FARP2: variants seen among roughly 807,000 people sequenced by gnomAD.
The protein encoded by FARP2 is FERM, ARHGEF and pleckstrin domain-containing protein 2.
FARP2 carries 111 observed loss-of-function variants against 130.5 expected under a neutral mutation model. The ratio of observed to expected loss-of-function variants is 0.85; its 90% CI spans 0.73 to 1.00. FARP2 has a LOEUF of 1.00. Ranked by LOEUF, FARP2 falls within the 50% of genes least tolerant of loss-of-function variation. The pLI, the probability that FARP2 is intolerant of heterozygous loss-of-function variation, is 0.00. For missense variants in FARP2, 1,385 were observed against 1,346.3 expected (o/e 1.03, Z -0.45); for synonymous variants, 504 against 516.9 (o/e 0.98, Z 0.34).
intron 12 of FARP2, among the ~76,000 whole-genome samples, chr2:241,440,400 A>T (rs1319693444): frequency 2.0e-5 from 3 of 152,046 alleles, no homozygotes; most frequent in South Asian, 2.1e-4. Context: ...CCATGAGGGG[A>T]GGATGTGTTA....
In FARP2 at chr2:241,412,065, C is replaced by G. The variant is rs141848229; in HGVS notation, c.508+935C>G. Among the ~76,000 whole-genome samples, 813 of 152,200 alleles carry G rather than the reference C, an allele frequency of 5.3e-3. 14 individuals carry two copies. The highest frequency in any genetic ancestry group is 0.018 in the African/African-American group (760 of 41,528). On this transcript the variant is annotated intron_variant, in intron 6 of 26. Coordinates refer to ENST00000264042, the MANE Select transcript of FARP2 (RefSeq NM_014808.4). ...CAGTTGGTAAAATATGACTAGGGTC[C>G]ACATCTGGGATGGAGCCTCAGATCG...
intron 2 of FARP2, among the ~76,000 whole-genome samples, chr2:241,379,699 T>C (rs1042576550): frequency 5.3e-5 from 8 of 152,196 alleles, no homozygotes; most frequent in Non-Finnish European, 1.2e-4. Flanking sequence ...CACACGAACA[T>C]CCTAAATATA....
intron 11 of FARP2, among the ~76,000 whole-genome samples, chr2:241,436,200 C>T (rs1265854346): frequency 2.0e-5 from 3 of 152,096 alleles, no homozygotes; most frequent in African/African-American, 2.4e-5. Flanking sequence ...TGAGCCACTG[C>T]GCCCGGCCTA....
intron 7 of FARP2, 80 bp from the exon 8 acceptor site, chr2:241,417,882 C>G: frequency 6.7e-7 from 1 of 1,485,838 alleles, no homozygotes; most frequent in Non-Finnish European, 9.3e-7. Flanking sequence ...GTTGGTTTTC[C>G]TGATCGCTTC....
intron 25 of FARP2, 45 bp downstream of exon 25, chr2:241,493,081 CAG>C (rs777742118): frequency 8.2e-7 from 1 of 1,217,006 alleles, no homozygotes; most frequent in Non-Finnish European, 1.2e-6. Context: ...TGCTAGCAGA[CAG>C]ACACTTAACC....
Position 241,465,560 on chromosome 2 carries a change from A to G in FARP2, c.1893+1580A>G, listed in dbSNP as rs541420065. The G allele has an allele frequency of 1.0e-4, 161 of 1,550,590 alleles. 1 individual carries two copies. The highest frequency in any genetic ancestry group is 9.6e-4 in the South Asian group (81 of 84,056). On this transcript the variant is annotated intron_variant, in intron 17 of 26. Coordinates refer to ENST00000264042, the MANE Select transcript of FARP2 (RefSeq NM_014808.4). ...CTGGGGGAAGTGAGATTTCTCTTCA[A>G]TAGGAGCAACGGTACAGGTGTTCAC...
At chr2:241,393,662 T>C (rs1035107038) in intron 2 of FARP2, among the ~76,000 whole-genome samples, 6 of 152,162 alleles carry the variant, frequency 3.9e-5, no homozygotes, top group African/African-American at 1.2e-4. Flanking sequence ...AATGAGCACA[T>C]GAAACAAGTT....
chr2:241,443,640 T>C (rs918734688), intron 13 of FARP2: 1 of 152,056 alleles, frequency 6.6e-6, no homozygotes, highest in East Asian at 1.9e-4. Flanking sequence ...TGGCACAGAG[T>C]GGGTAGGTCC....
At chr2:241,425,634 TAAAAAAAAAAAAAAAA>T (rs1167925220) in intron 8 of FARP2, among the ~76,000 whole-genome samples, 2 of 45,956 alleles carry the variant, frequency 4.4e-5, no homozygotes, top group East Asian at 6.9e-4. Context: ...TCCTACCAAG[TAAAAAAAAAAAAAAAA>T]AAAAAAAAAA....
intron 14 of FARP2, among the ~76,000 whole-genome samples, chr2:241,458,991 C>G (rs2063941700): frequency 6.6e-6 from 1 of 152,260 alleles, no homozygotes; most frequent in Admixed American, 6.5e-5. Context: ...GGCCCAGCCC[C>G]TGCGTGTGGG....
At chr2:241,479,998 C>T (rs1416573693) in intron 19 of FARP2, among the ~76,000 whole-genome samples, 2 of 152,234 alleles carry the variant, frequency 1.3e-5, no homozygotes, top group African/African-American at 4.8e-5. Flanking sequence ...CCCAACATGA[C>T]ATGGGAGCTG....
chr2:241,359,633 C>G (rs1055569729), intron 1 of FARP2, among the ~76,000 whole-genome samples: 9 of 152,244 alleles, frequency 5.9e-5, no homozygotes, highest in Non-Finnish European at 1.3e-4. Context: ...GTCAGGCTAG[C>G]CAGCGGTGCT....
chr2:241,363,614 T>C (rs2061239990), intron 1 of FARP2, among the ~76,000 whole-genome samples: 2 of 152,220 alleles, frequency 1.3e-5, no homozygotes, highest in Admixed American at 1.3e-4. Context: ...GGAACTCGGC[T>C]ATGGGATAGA....
chr2:241,385,405 C>A, intron 2 of FARP2, among the ~76,000 whole-genome samples: 1 of 152,024 alleles, frequency 6.6e-6, no homozygotes, highest in East Asian at 1.9e-4. Flanking sequence ...AAAATTTATA[C>A]ATCCAACAAA....
intron 13 of FARP2, among the ~76,000 whole-genome samples, chr2:241,451,345 G>A (rs2063652716): frequency 6.6e-6 from 1 of 152,200 alleles, no homozygotes; most frequent in Non-Finnish European, 1.5e-5. Context: ...GAAGCCCATT[G>A]GTGAACAGCC....
chr2:241,366,108 T>TATATATATATAC (rs1168692581), intron 1 of FARP2, among the ~76,000 whole-genome samples: 392 of 34,264 alleles, frequency 0.011, 19 homozygotes, highest in South Asian at 0.11. Context: ...AAAAAAAATA[T>TATATATATATAC]ATATATATAT....
At chr2:241,421,118 C>T (rs1292672641) in intron 8 of FARP2, among the ~76,000 whole-genome samples, 1 of 152,160 alleles carries the variant, frequency 6.6e-6, no homozygotes, top group African/African-American at 2.4e-5. Context: ...TGGTGAGTGA[C>T]TGTGCAACCT....
In FARP2 at chr2:241,458,355, G is replaced by A. The variant is rs73119641; in HGVS notation, c.1587+1433G>A. ...CACCTCAGCACTCCTGCTTTGGCCC[G>A]AATTGGCCAGAGGATATTCTGTCCA... On this transcript the variant is annotated intron_variant, in intron 14 of 26. Coordinates refer to ENST00000264042, the MANE Select transcript of FARP2 (RefSeq NM_014808.4). Among the ~76,000 whole-genome samples the A allele has an allele frequency of 9.1e-4, 139 of 152,274 alleles. 1 individual carries two copies. Among genetic ancestry groups the A allele is most frequent in the African/African-American group, 3.2e-3 (131 of 41,542 alleles).
chr2:241,435,496 A>G (rs2150403907), intron 11 of FARP2, among the ~76,000 whole-genome samples: 1 of 151,888 alleles, frequency 6.6e-6, no homozygotes, highest in African/African-American at 2.4e-5. Context: ...TGTTTTAAAG[A>G]AAGTGGATTT....
Sources: allele counts gnomAD v4.1 joint callset (sites outside exome capture counted in the v4.1 genomes callset), GRCh38; gene constraint gnomAD v4.1.1; transcripts MANE v1.5; gene names NCBI Gene and HGNC (gene_info 2026-07-23, HGNC 2026-07-21).